Variants in OR2L13 observed in about 807,000 individuals in gnomAD.
The protein encoded by OR2L13 is olfactory receptor 2L13.
In OR2L13, 14 loss-of-function variants were observed where a neutral mutation model predicts 15.3. The observed-to-expected ratio is 0.91, with a 90% CI of 0.60 to 1.43. The LOEUF is 1.43. Among genes scored for constraint, OR2L13 ranks in the 40% most tolerant of loss-of-function variants. OR2L13 has a pLI of 0.00. For missense variants in OR2L13, 367 were observed against 387.9 expected (o/e 0.95, Z 0.45); for synonymous variants, 152 against 142.9 (o/e 1.06, Z -0.45).
the OR2L13 span, among the ~76,000 whole-genome samples, chr1:248,051,656 G>T: frequency 2.6e-5 from 4 of 151,916 alleles, no homozygotes; most frequent in Non-Finnish European, 5.9e-5. Flanking sequence ...TTAGTGAAGG[G>T]TTCAACAGAA....
chr1:247,949,090 C>CT, the OR2L13 span: 1 of 1,613,020 alleles, frequency 6.2e-7, no homozygotes, highest in East Asian at 2.2e-5. Flanking sequence ...ACCATTGTTC[C>CT]TAAGATGGCA....
the OR2L13 span, among the ~76,000 whole-genome samples, chr1:247,993,762 G>GGA: frequency 9.3e-5 from 5 of 53,636 alleles, no homozygotes; most frequent in Non-Finnish European, 1.3e-4. Context: ...AGAGAGAGGG[G>GGA]GAGAGAGAGA....
upstream of OR2L13, among the ~76,000 whole-genome samples, chr1:248,096,937 GGTAATCATCTCTTGAATCTAC>G (rs1333559927): frequency 6.6e-6 from 1 of 152,164 alleles, no homozygotes; most frequent in African/African-American, 2.4e-5. Flanking sequence ...TCTTGAGCTA[GGTAATCATCTCTTGAATCTAC>G]GTGCTATGGG....
the OR2L13 span, among the ~76,000 whole-genome samples, chr1:247,950,492 A>T: frequency 6.6e-6 from 1 of 152,118 alleles, no homozygotes; most frequent in Non-Finnish European, 1.5e-5. Flanking sequence ...AACCCATTTT[A>T]TGTTGATTTT....
chr1:248,044,716 T>C, the OR2L13 span, among the ~76,000 whole-genome samples: 3 of 109,268 alleles, frequency 2.7e-5, no homozygotes, highest in Admixed American at 1.8e-4. Flanking sequence ...GGCAGGAGAA[T>C]GGCGTGAACC....
At chr1:248,031,205 G>A in the OR2L13 span, among the ~76,000 whole-genome samples, 1 of 152,112 alleles carries the variant, frequency 6.6e-6, no homozygotes, top group Non-Finnish European at 1.5e-5. Context: ...GATATATAAT[G>A]GCTGAGACTG....
the OR2L13 span, among the ~76,000 whole-genome samples, chr1:247,946,025 G>A: frequency 3.3e-5 from 5 of 151,952 alleles, no homozygotes; most frequent in African/African-American, 1.2e-4. Context: ...TTCTTTAATC[G>A]CTGTAATCAG....
At chr1:247,987,790 C>T in the OR2L13 span, among the ~76,000 whole-genome samples, 1 of 152,028 alleles carries the variant, frequency 6.6e-6, no homozygotes, top group East Asian at 1.9e-4. Context: ...ATCACTACCC[C>T]CAAACTCATT....
the OR2L13 span, among the ~76,000 whole-genome samples, chr1:248,088,196 G>T: frequency 6.6e-6 from 1 of 151,990 alleles, no homozygotes; most frequent in Non-Finnish European, 1.5e-5. Flanking sequence ...GGTTCTTAAA[G>T]GTTGAGGAAC....
chr1:248,039,179 T>A, the OR2L13 span: 3 of 1,610,572 alleles, frequency 1.9e-6, no homozygotes, highest in African/African-American at 1.3e-5. Context: ...CACAAGTGAT[T>A]CAGAAAATCT....
chr1:248,053,989 T>C, the OR2L13 span, among the ~76,000 whole-genome samples: 5 of 152,334 alleles, frequency 3.3e-5, no homozygotes, highest in African/African-American at 9.6e-5. Flanking sequence ...ATTTTTGCTA[T>C]TGTTGCAATT....
chr1:248,017,996 A>G, the OR2L13 span, among the ~76,000 whole-genome samples: 1 of 151,984 alleles, frequency 6.6e-6, no homozygotes. Context: ...ATATGTATAT[A>G]TAAAAAAAAT....
the OR2L13 span, among the ~76,000 whole-genome samples, chr1:248,042,741 C>G: frequency 6.6e-6 from 1 of 151,984 alleles, no homozygotes; most frequent in South Asian, 2.1e-4. Flanking sequence ...TTTTATCAAT[C>G]TTGTCTACAT....
At chr1:247,993,813 AAGAAAG>A in the OR2L13 span, among the ~76,000 whole-genome samples, 1 of 77,920 alleles carries the variant, frequency 1.3e-5, no homozygotes, top group African/African-American at 5.4e-5. Context: ...GAGAGAGAGA[AAGAAAG>A]AGAAAGAAAG....
chr1:247,999,439 TACTC>T, the OR2L13 span, among the ~76,000 whole-genome samples: 2,343 of 152,226 alleles, frequency 0.015, 61 homozygotes, highest in African/African-American at 0.053. Flanking sequence ...CACAAGCAAA[TACTC>T]ACTTTACATT....
At chr1:247,989,678 T>C in the OR2L13 span, among the ~76,000 whole-genome samples, 2 of 152,186 alleles carry the variant, frequency 1.3e-5, no homozygotes, top group Non-Finnish European at 2.9e-5. Context: ...AAATAATTCA[T>C]AGTCTAACTA....
the OR2L13 span, among the ~76,000 whole-genome samples, chr1:248,036,339 A>G: frequency 6.6e-6 from 1 of 152,018 alleles, no homozygotes; most frequent in Non-Finnish European, 1.5e-5. Flanking sequence ...TCAAAGAGTC[A>G]TTTATTGTTA....
upstream of OR2L13, among the ~76,000 whole-genome samples, chr1:248,096,774 G>A (rs1044191310): frequency 1.3e-5 from 2 of 152,204 alleles, no homozygotes; most frequent in Non-Finnish European, 2.9e-5. Context: ...GTTAGTTTCT[G>A]TGAAATGAGG....
the OR2L13 span, chr1:247,966,405 C>A: frequency 1.4e-6 from 2 of 1,460,834 alleles, no homozygotes; most frequent in Non-Finnish European, 1.9e-6. Context: ...TATGTGTTTT[C>A]TGTATAGAAG....
Sources: allele counts gnomAD v4.1 joint callset (sites outside exome capture counted in the v4.1 genomes callset), GRCh38; gene constraint gnomAD v4.1.1; transcripts MANE v1.5; gene names NCBI Gene and HGNC (gene_info 2026-07-23, HGNC 2026-07-21).